The following SLC24A2 variants were observed in gnomAD, a reference collection of about 807,000 sequenced individuals.
SLC24A2 encodes the protein solute carrier family 24 member 2, also known as sodium/potassium/calcium exchanger 2.
Under a neutral mutation model 62.0 loss-of-function variants are expected in SLC24A2, and 36 were observed. The observed-to-expected ratio is 0.58, with a 90% CI of 0.44 to 0.77. The LOEUF is 0.77. Among genes scored for constraint, SLC24A2 ranks in the 30% least tolerant of loss-of-function variants. SLC24A2 has a pLI of 0.00. For missense variants in SLC24A2, 846 were observed against 817.9 expected (o/e 1.03, Z -0.42); for synonymous variants, 358 against 294.0 (o/e 1.22, Z -2.23).
the SLC24A2 span, among the ~76,000 whole-genome samples, chr9:20,119,714 C>A: frequency 6.6e-6 from 1 of 152,164 alleles, no homozygotes; most frequent in African/African-American, 2.4e-5. Flanking sequence ...AATGCCTGAG[C>A]TCATCTTTTC....
the SLC24A2 span, among the ~76,000 whole-genome samples, chr9:19,942,409 T>A: frequency 6.6e-6 from 1 of 152,106 alleles, no homozygotes; most frequent in Non-Finnish European, 1.5e-5. Flanking sequence ...ACATGGAGAA[T>A]CAGTGTCTGA....
At chr9:19,871,244 T>C in the SLC24A2 span, among the ~76,000 whole-genome samples, 3 of 152,214 alleles carry the variant, frequency 2.0e-5, no homozygotes, top group East Asian at 5.8e-4. Context: ...GTTATTCATA[T>C]TGTTGTTGAC....
intron 7 of SLC24A2, among the ~76,000 whole-genome samples, chr9:19,553,034 C>T (rs77590059): frequency 0.017 from 2,646 of 152,272 alleles, 69 homozygotes; most frequent in African/African-American, 0.06. Flanking sequence ...TCACAGCCTC[C>T]TGGGGGCCAA....
chr9:20,245,783 T>G, the SLC24A2 span, among the ~76,000 whole-genome samples: 1 of 152,204 alleles, frequency 6.6e-6, no homozygotes, highest in Admixed American at 6.5e-5. Flanking sequence ...GAAGAGCACT[T>G]GGCTAAAATA....
the SLC24A2 span, among the ~76,000 whole-genome samples, chr9:20,266,668 C>T: frequency 6.6e-6 from 1 of 152,130 alleles, no homozygotes; most frequent in African/African-American, 2.4e-5. Context: ...CATTTCACAA[C>T]TTTATTTTTC....
intron 2 of SLC24A2, among the ~76,000 whole-genome samples, chr9:19,629,020 T>C (rs1186606210): frequency 6.6e-6 from 1 of 152,188 alleles, no homozygotes; most frequent in Non-Finnish European, 1.5e-5. Context: ...GAGGCAGATT[T>C]CAGTAATAAT....
At chr9:20,163,394 G>T in the SLC24A2 span, among the ~76,000 whole-genome samples, 1 of 151,932 alleles carries the variant, frequency 6.6e-6, no homozygotes, top group Admixed American at 6.6e-5. Flanking sequence ...GCTTCAAAGA[G>T]AATAAAATAC....
At chr9:20,273,052 T>C in the SLC24A2 span, among the ~76,000 whole-genome samples, 16 of 152,166 alleles carry the variant, frequency 1.1e-4, no homozygotes, top group African/African-American at 3.9e-4. Flanking sequence ...GTCAGTGACT[T>C]CCACAGTGTG....
the SLC24A2 span, among the ~76,000 whole-genome samples, chr9:20,078,010 G>A: frequency 1.7e-4 from 25 of 143,538 alleles, no homozygotes; most frequent in African/African-American, 6.1e-4. Flanking sequence ...TGGTGAGGAG[G>A]GGCACAGGGT....
chr9:19,719,676 G>C (rs1018800081), intron 2 of SLC24A2, among the ~76,000 whole-genome samples: 7 of 152,224 alleles, frequency 4.6e-5, no homozygotes, highest in African/African-American at 1.7e-4. Context: ...CAAATCTTGA[G>C]TACTTACAAG....
chr9:19,986,031 T>TAAGGAA, the SLC24A2 span, among the ~76,000 whole-genome samples: 1 of 152,106 alleles, frequency 6.6e-6, no homozygotes, highest in African/African-American at 2.4e-5. Flanking sequence ...ATATATCTGA[T>TAAGGAA]AAGGGCCTAG....
intron 2 of SLC24A2, among the ~76,000 whole-genome samples, chr9:19,677,634 T>C (rs1339321408): frequency 6.6e-6 from 1 of 152,130 alleles, no homozygotes; most frequent in Non-Finnish European, 1.5e-5. Context: ...AAACCTTCAA[T>C]TCTCATGAAT....
chr9:19,523,538 C>A (rs1367518116), intron 9 of SLC24A2, among the ~76,000 whole-genome samples: 1 of 151,812 alleles, frequency 6.6e-6, no homozygotes, highest in African/African-American at 2.4e-5. Flanking sequence ...TCTCGGCTCA[C>A]TGAAACATTT....
the SLC24A2 span, among the ~76,000 whole-genome samples, chr9:19,969,640 G>T: frequency 1.3e-5 from 2 of 152,270 alleles, no homozygotes; most frequent in East Asian, 3.9e-4. Context: ...GAGGATTGAG[G>T]CTACAGTAGT....
chr9:20,087,243 A>C, the SLC24A2 span, among the ~76,000 whole-genome samples: 1 of 152,216 alleles, frequency 6.6e-6, no homozygotes, highest in African/African-American at 2.4e-5. Flanking sequence ...TATATGCCAG[A>C]CATTGTTCTA....
chr9:19,651,302 C>T (rs1818794057), intron 2 of SLC24A2, among the ~76,000 whole-genome samples: 1 of 152,170 alleles, frequency 6.6e-6, no homozygotes, highest in Non-Finnish European at 1.5e-5. Context: ...TTGCCTACTT[C>T]AATTCTCATA....
chr9:20,161,061 G>C, the SLC24A2 span, among the ~76,000 whole-genome samples: 1 of 151,312 alleles, frequency 6.6e-6, no homozygotes, highest in Non-Finnish European at 1.5e-5. Flanking sequence ...ATTACCTCTT[G>C]ATATGGATAA....
the SLC24A2 span, among the ~76,000 whole-genome samples, chr9:19,990,471 C>T: frequency 6.6e-6 from 1 of 151,770 alleles, no homozygotes; most frequent in African/African-American, 2.4e-5. Context: ...ATTAGCCGGG[C>T]ATGGTGGCGG....
At chr9:20,086,027 G>T in the SLC24A2 span, among the ~76,000 whole-genome samples, 1 of 152,084 alleles carries the variant, frequency 6.6e-6, no homozygotes, top group Non-Finnish European at 1.5e-5. Context: ...ATTGCACACT[G>T]CTTATCTCCC....
Sources: gnomAD v4.1 joint callset for allele counts (sites outside exome capture counted in the v4.1 genomes callset) on GRCh38, gnomAD v4.1.1 for gene constraint, MANE v1.5 for transcripts, NCBI Gene and HGNC (gene_info 2026-07-23, HGNC 2026-07-21) for gene names.